Variants in TCF12 observed in about 807,000 individuals in gnomAD.
The protein encoded by TCF12 is transcription factor 12.
Under a neutral mutation model 86.0 loss-of-function variants are expected in TCF12, and 45 were observed. The ratio of observed to expected loss-of-function variants is 0.52; its 90% CI spans 0.41 to 0.67. The LOEUF is 0.67. Among genes scored for constraint, TCF12 ranks in the 30% least tolerant of loss-of-function variants. TCF12 has a pLI of 0.00. For synonymous variants in TCF12, 330 were observed against 299.6 expected, an observed-to-expected ratio of 1.10 and a Z score of -1.05; for missense variants, 881 against 859.9, an observed-to-expected ratio of 1.02 and a Z score of -0.31.
intron 5 of TCF12, among the ~76,000 whole-genome samples, chr15:57,164,786 T>C (rs1288976384): frequency 6.6e-6 from 1 of 152,192 alleles, no homozygotes; most frequent in African/African-American, 2.4e-5. Flanking sequence ...GTTCAAATGA[T>C]TCTCTTGCCT....
intron 3 of TCF12, among the ~76,000 whole-genome samples, chr15:56,962,127 C>T (rs1164662192): frequency 2.4e-5 from 3 of 125,794 alleles, no homozygotes; most frequent in Non-Finnish European, 4.9e-5. Flanking sequence ...AGCGAGACTC[C>T]GTCTCAAAAA....
chr15:57,219,440 T>TA (rs2058476626), intron 8 of TCF12: 6 of 1,525,624 alleles, frequency 3.9e-6, no homozygotes, highest in Admixed American at 1.9e-5. Flanking sequence ...ACTGAAGACT[T>TA]ACTCCCTTTG....
At chr15:56,950,554 T>C (rs1166755064) in intron 3 of TCF12, among the ~76,000 whole-genome samples, 3 of 151,960 alleles carry the variant, frequency 2.0e-5, no homozygotes, top group Admixed American at 2.0e-4. Flanking sequence ...AATAAATAAA[T>C]CACACAGAAT....
intron 4 of TCF12, among the ~76,000 whole-genome samples, chr15:57,077,702 G>A (rs1250757254): frequency 6.8e-6 from 1 of 148,128 alleles, no homozygotes; most frequent in Non-Finnish European, 1.5e-5. Flanking sequence ...AAAGTGCTAG[G>A]TTCACAGACG....
chr15:57,080,343 G>A (rs2070516982), intron 4 of TCF12, among the ~76,000 whole-genome samples: 1 of 152,202 alleles, frequency 6.6e-6, no homozygotes, highest in African/African-American at 2.4e-5. Context: ...TCAGAAAGCA[G>A]GGGTACTGTC....
chr15:56,974,176 G>A (rs1443903002), intron 3 of TCF12, among the ~76,000 whole-genome samples: 2 of 152,032 alleles, frequency 1.3e-5, no homozygotes, highest in Non-Finnish European at 2.9e-5. Flanking sequence ...TTTGAAAATT[G>A]TATTTTGATT....
chr15:57,071,636 ACAAAAAACAAACACAGCC>A, intron 4 of TCF12, among the ~76,000 whole-genome samples: 1 of 152,224 alleles, frequency 6.6e-6, no homozygotes, highest in East Asian at 1.9e-4. Flanking sequence ...AAAACAAAAA[ACAAAAAACAAACACAGCC>A]CAAAAAACTT....
chr15:57,114,465 A>G (rs1053906779), intron 5 of TCF12, among the ~76,000 whole-genome samples: 1 of 151,784 alleles, frequency 6.6e-6, no homozygotes, highest in Admixed American at 6.6e-5. Context: ...TAATTTTTTT[A>G]TTTTTATTTT....
intron 5 of TCF12, among the ~76,000 whole-genome samples, chr15:57,112,907 AAAAAT>A (rs1334217023): frequency 6.6e-6 from 1 of 152,202 alleles, no homozygotes; most frequent in African/African-American, 2.4e-5. Context: ...GAGTAGGAAA[AAAAAT>A]AAAATCCAAA....
At chr15:57,042,119 A>T (rs562658927) in intron 3 of TCF12, among the ~76,000 whole-genome samples, 6 of 151,752 alleles carry the variant, frequency 4.0e-5, no homozygotes, top group Admixed American at 2.6e-4. Context: ...TTATTTTTCA[A>T]TTTTTATTGT....
chr15:57,007,963 C>G lies in TCF12; in HGVS notation c.149-55787C>G, dbSNP rs374205488. Among the ~76,000 whole-genome samples, 314 of 143,838 alleles carry G rather than the reference C, an allele frequency of 2.2e-3. 2 individuals are homozygous for G. Among genetic ancestry groups the G allele is most frequent in the Non-Finnish European group, 3.1e-3 (207 of 65,904 alleles). The allele number at this position is 143,838 out of a possible 152,430, so 94.4% of individuals were successfully genotyped here. On this transcript the variant is annotated intron_variant, in intron 3 of 20. Transcript: ENST00000333725. ...TTCTTTTTTCTTTCTTTCTCTCTGT[C>G]TCTCTCTCTCTCTCGCTCTCTCTCT...
At chr15:57,264,960 C>A (rs978484516) in intron 18 of TCF12, among the ~76,000 whole-genome samples, 1 of 151,710 alleles carries the variant, frequency 6.6e-6, no homozygotes, top group African/African-American at 2.4e-5. Flanking sequence ...GAACTCCTGA[C>A]CTCCAGTGAT....
At chr15:57,075,804 T>TCTTTCTCTCTCTCTCTCTCTCTCTC (rs1567370603) in intron 4 of TCF12, among the ~76,000 whole-genome samples, 1 of 28,590 alleles carries the variant, frequency 3.5e-5, no homozygotes. Flanking sequence ...CTTTCTTTCT[T>TCTTTCTCTCTCTCTCTCTCTCTCTC]TCTCTCTCTC....
At chr15:56,965,392 C>T (rs553813891) in intron 3 of TCF12, among the ~76,000 whole-genome samples, 26 of 152,256 alleles carry the variant, frequency 1.7e-4, no homozygotes, top group Non-Finnish European at 3.7e-4. Context: ...ATGCAAAATA[C>T]AGTTCTCACT....
intron 3 of TCF12, among the ~76,000 whole-genome samples, chr15:57,028,501 T>C (rs932038882): frequency 1.3e-5 from 2 of 152,218 alleles, no homozygotes; most frequent in African/African-American, 2.4e-5. Flanking sequence ...TTATTGTTCA[T>C]GTATGTATCT....
intron 5 of TCF12, among the ~76,000 whole-genome samples, chr15:57,099,664 G>A (rs2049587004): frequency 1.3e-5 from 2 of 151,968 alleles, no homozygotes; most frequent in South Asian, 2.1e-4. Flanking sequence ...AACTCAGGTC[G>A]TAATCCATTA....
intron 8 of TCF12, among the ~76,000 whole-genome samples, chr15:57,207,358 G>A (rs2057877277): frequency 6.6e-6 from 1 of 151,838 alleles, no homozygotes; most frequent in Admixed American, 6.6e-5. Context: ...CTTTTATGAG[G>A]CTAGTATTAA....
At chr15:57,076,100 C>T (rs1432703662) in intron 4 of TCF12, among the ~76,000 whole-genome samples, 1 of 151,562 alleles carries the variant, frequency 6.6e-6, no homozygotes, top group African/African-American at 2.4e-5. Flanking sequence ...AAGTGATCCT[C>T]CTGCCTTGGC....
chr15:57,119,832 T>TA (rs1213804367), intron 5 of TCF12, among the ~76,000 whole-genome samples: 4 of 152,126 alleles, frequency 2.6e-5, no homozygotes, highest in Admixed American at 2.0e-4. Context: ...TATATCTCTT[T>TA]AAAAAAATCA....
Sources: gnomAD v4.1 joint callset for allele counts (sites outside exome capture counted in the v4.1 genomes callset) on GRCh38, gnomAD v4.1.1 for gene constraint, MANE v1.5 for transcripts, NCBI Gene and HGNC (gene_info 2026-07-23, HGNC 2026-07-21) for gene names.